DLC1: variants seen among roughly 807,000 people sequenced by gnomAD.
DLC1 encodes the protein DLC1 Rho GTPase activating protein, also known as rho GTPase-activating protein 7.
Under a neutral mutation model 140.3 loss-of-function variants are expected in DLC1, and 54 were observed. The observed-to-expected ratio is 0.38, with a 90% CI of 0.31 to 0.48. DLC1 has a LOEUF of 0.48. Among genes scored for constraint, DLC1 ranks in the 20% least tolerant of loss-of-function variants. DLC1 has a pLI of 0.96. For synonymous variants in DLC1, 986 were observed against 728.1 expected (o/e 1.35, Z -5.70); for missense variants, 2,536 against 1,907.0 (o/e 1.33, Z -6.14).
intron 2 of DLC1, among the ~76,000 whole-genome samples, chr8:13,490,401 C>T (rs114907263): frequency 2.6e-5 from 4 of 151,962 alleles, no homozygotes; most frequent in South Asian, 2.1e-4. Context: ...ATTTTCTTTA[C>T]GGTTAGAAAA....
In DLC1 at chr8:13,506,581, G is replaced by GTGTGTGTGTATATATATA. The variant is rs1246764417; in HGVS notation, c.-125-6386_-125-6385insTATATATATACACACACA. ...CACACACACACATGTGTGTGTGTGT[G>GTGTGTGTGTATATATATA]TATATATATATATATATATATATAT... On this transcript the variant is annotated intron_variant, in intron 1 of 17. Coordinates refer to ENST00000276297, the MANE Select transcript of DLC1 (RefSeq NM_182643.3). Among the ~76,000 whole-genome samples, 213 of 131,010 alleles carry GTGTGTGTGTATATATATA rather than the reference G, an allele frequency of 1.6e-3. 3 individuals are homozygous for GTGTGTGTGTATATATATA. The highest frequency in any genetic ancestry group is 6.4e-3 in the African/African-American group (200 of 31,056). 85.9% of individuals were successfully genotyped at this position (131,010 alleles called of 152,430 possible).
intron 5 of DLC1, among the ~76,000 whole-genome samples, chr8:13,194,227 C>T (rs1196652620): frequency 6.6e-6 from 1 of 152,222 alleles, no homozygotes; most frequent in African/African-American, 2.4e-5. Flanking sequence ...TCATCACCAT[C>T]CTCAGGAAAC....
rs1311540477 is a variant in DLC1 at position 13,221,724 on chromosome 8, G to GTATA, written c.1348+83544_1348+83545insTATA. ...TATGTGTGTGTATATGTGTGTGTGT[G>GTATA]TGTATATATATATATATATATGATA... On this transcript the variant is annotated intron_variant, in intron 5 of 17. Transcript: ENST00000276297. Among the ~76,000 whole-genome samples the GTATA allele has an allele frequency of 7.6e-3, 1,008 of 132,924 alleles. 7 individuals carry two copies. The highest frequency in any genetic ancestry group is 0.026 in the African/African-American group (917 of 34,706). The allele number at this position is 132,924 out of a possible 152,430, so 87.2% of individuals were successfully genotyped here.
chr8:13,433,138 A>G (rs151224079), intron 2 of DLC1, among the ~76,000 whole-genome samples: 2 of 152,208 alleles, frequency 1.3e-5, no homozygotes, highest in African/African-American at 4.8e-5. Flanking sequence ...GCTATTGAAG[A>G]GAACAGGCAT....
intron 1 of DLC1, among the ~76,000 whole-genome samples, chr8:13,550,903 A>G (rs145991446): frequency 6.6e-6 from 1 of 152,106 alleles, no homozygotes; most frequent in Non-Finnish European, 1.5e-5. Flanking sequence ...ATAATCATGT[A>G]TGGTCAAATA....
intron 2 of DLC1, among the ~76,000 whole-genome samples, chr8:13,460,369 C>T (rs1799604585): frequency 6.6e-6 from 1 of 152,194 alleles, no homozygotes; most frequent in African/African-American, 2.4e-5. Context: ...TACTAAAAGA[C>T]TTCTGTACAG....
chr8:13,329,039 C>T (rs1050552188), intron 4 of DLC1, among the ~76,000 whole-genome samples: 8 of 152,116 alleles, frequency 5.3e-5, no homozygotes, highest in Non-Finnish European at 8.8e-5. Context: ...GACATTTATT[C>T]ATTGAATCAC....
At chr8:13,577,722 C>T (rs925904733) in intron 1 of DLC1, among the ~76,000 whole-genome samples, 1 of 152,070 alleles carries the variant, frequency 6.6e-6, no homozygotes, top group Non-Finnish European at 1.5e-5. Flanking sequence ...TTTGTTTCCT[C>T]CTTGGTATCT....
Position 13,581,330 on chromosome 8 carries a change from AG to A in DLC1, c.-126+23206del, listed in dbSNP as rs1413131327. Among the ~76,000 whole-genome samples, 5 of 152,370 alleles carry A rather than the reference AG, an allele frequency of 3.3e-5. No homozygotes were observed. In the East Asian group the frequency reaches 7.7e-4, roughly 23 times the overall value. ...AAAACGGAACCATTTGCTTCTAAATAGGTACCTTAAAGTTAGTCTGTCCCAA... is the reference window on the plus strand; with the variant it reads ...AAAACGGAACCATTTGCTTCTAAATAGTACCTTAAAGTTAGTCTGTCCCAA... On this transcript the variant is annotated intron_variant, in intron 1 of 1. Transcript: ENST00000631382.
chr8:13,172,812 T>C (rs1825558647), intron 5 of DLC1, among the ~76,000 whole-genome samples: 2 of 152,220 alleles, frequency 1.3e-5, no homozygotes, highest in Admixed American at 1.3e-4. Flanking sequence ...GCTCTCAAAA[T>C]CTTCCAGAGG....
chr8:13,221,502 C>G (rs1377407169), intron 5 of DLC1, among the ~76,000 whole-genome samples: 3 of 151,420 alleles, frequency 2.0e-5, no homozygotes, highest in Non-Finnish European at 4.4e-5. Context: ...TCCTGAGTAG[C>G]TGGGACTACA....
At chr8:13,564,394 C>G (rs559124617) in intron 1 of DLC1, among the ~76,000 whole-genome samples, 4 of 152,308 alleles carry the variant, frequency 2.6e-5, no homozygotes, top group Non-Finnish European at 5.9e-5. Flanking sequence ...CCTAGGAGAA[C>G]AGCTAAACAT....
At chr8:13,533,155 T>G (rs905323660) in intron 1 of DLC1, among the ~76,000 whole-genome samples, 5 of 151,948 alleles carry the variant, frequency 3.3e-5, no homozygotes, top group Admixed American at 1.3e-4. Context: ...AAACAAACAG[T>G]CAAAAAAATT....
intron 5 of DLC1, among the ~76,000 whole-genome samples, chr8:13,264,611 T>C (rs552406857): frequency 6.6e-6 from 1 of 151,936 alleles, no homozygotes; most frequent in South Asian, 2.1e-4. Flanking sequence ...AGGAGGGAAA[T>C]ATGACCCAGG....
chr8:13,354,333 C>G (rs1834820921), intron 4 of DLC1, among the ~76,000 whole-genome samples: 1 of 152,100 alleles, frequency 6.6e-6, no homozygotes, highest in Non-Finnish European at 1.5e-5. Context: ...GTTTTATTGT[C>G]TTACAGGCTT....
At chr8:13,182,266 A>G (rs970450369) in intron 5 of DLC1, among the ~76,000 whole-genome samples, 4 of 151,786 alleles carry the variant, frequency 2.6e-5, no homozygotes, top group African/African-American at 7.3e-5. Flanking sequence ...CTTATTCTGT[A>G]GGTTGCCTAT....
intron 2 of DLC1, among the ~76,000 whole-genome samples, chr8:13,415,935 C>G (rs567021628): frequency 6.6e-6 from 1 of 152,274 alleles, no homozygotes; most frequent in East Asian, 1.9e-4. Flanking sequence ...GAAATTTCTC[C>G]TGGGAAGTTT....
At chr8:13,438,371 T>A (rs919233264) in intron 2 of DLC1, among the ~76,000 whole-genome samples, 3 of 152,198 alleles carry the variant, frequency 2.0e-5, no homozygotes, top group African/African-American at 7.2e-5. Flanking sequence ...ATATCGTGTT[T>A]CTTTTTAAAT....
intron 5 of DLC1, among the ~76,000 whole-genome samples, chr8:13,275,456 G>A (rs1349000369): frequency 6.0e-4 from 92 of 152,204 alleles, no homozygotes; most frequent in Non-Finnish European, 7.3e-5. Flanking sequence ...CATCCATGTA[G>A]ACGGCATAGG....
Sources: gnomAD v4.1 joint callset for allele counts (sites outside exome capture counted in the v4.1 genomes callset) on GRCh38, gnomAD v4.1.1 for gene constraint, MANE v1.5 for transcripts, NCBI Gene and HGNC (gene_info 2026-07-23, HGNC 2026-07-21) for gene names.